ABLIM1: variants seen among roughly 807,000 people sequenced by gnomAD.
ABLIM1 encodes actin-binding LIM protein 1.
Under a neutral mutation model 107.0 loss-of-function variants are expected in ABLIM1, and 40 were observed. That is an observed-to-expected ratio of 0.37 (90% CI 0.29 to 0.49). ABLIM1 has a LOEUF of 0.49. ABLIM1 is among the 20% of genes least tolerant of loss of function. The pLI is 0.97. For missense variants in ABLIM1, 857 were observed against 1,008.5 expected, an observed-to-expected ratio of 0.85 and a Z score of 2.04; for synonymous variants, 357 against 357.3, an observed-to-expected ratio of 1.00 and a Z score of 0.01.
At chr10:114,454,870 T>G (rs1429689576) in intron 12 of ABLIM1, among the ~76,000 whole-genome samples, 2 of 152,216 alleles carry the variant, frequency 1.3e-5, no homozygotes, top group East Asian at 3.8e-4. Flanking sequence ...TTGTCAGAAA[T>G]AATATGAACT....
intron 10 of ABLIM1, among the ~76,000 whole-genome samples, chr10:114,472,321 C>A (rs11196753): frequency 0.19 from 28,834 of 151,768 alleles, 3,287 homozygotes; most frequent in East Asian, 0.52. Context: ...CAACTCCTGG[C>A]CTGAAGCAAT....
rs912116825 is a variant in ABLIM1, at chr10:114,435,457, C to T, written c.*803G>A. The T allele has an allele frequency of 2.0e-5, 3 of 152,164 alleles. No homozygotes were observed. Among genetic ancestry groups the T allele is most frequent in the Non-Finnish European group, 4.4e-5 (3 of 68,034 alleles). The allele number at this position is 152,164 out of a possible 1,614,324, so 9.4% of individuals were successfully genotyped here. A position where few individuals can be genotyped will look rare whatever the true frequency, so the allele number is the denominator to read the frequency against. Reference sequence around the variant, plus strand: ...TGGGGGCAATTTGTGTTTTTCCTTTCTTTGCAAAGGTGGAGCTCCAGACAG... The same window carrying T: ...TGGGGGCAATTTGTGTTTTTCCTTTTTTTGCAAAGGTGGAGCTCCAGACAG... On this transcript the variant is annotated 3_prime_UTR_variant, in exon 23 of 23. Coordinates refer to ENST00000533213, the MANE Select transcript of ABLIM1 (RefSeq NM_002313.7).
chr10:114,646,856 C>T (rs1202490833), intron 1 of ABLIM1, among the ~76,000 whole-genome samples: 1 of 152,122 alleles, frequency 6.6e-6, no homozygotes, highest in African/African-American at 2.4e-5. Context: ...AATTGAACCA[C>T]GATCTATGTG....
chr10:114,468,289 G>T (rs1815248), intron 10 of ABLIM1, 73 bp from the exon 11 acceptor site: 404,637 of 1,461,426 alleles, frequency 0.28, 56,766 homozygotes, highest in East Asian at 0.38. Flanking sequence ...TTGTTTGTTT[G>T]TTTGAGATGG....
rs993710046 is a variant in ABLIM1, at chr10:114,629,337, TC to T, written c.245-27377del. 6.6e-6 allele frequency among the ~76,000 whole-genome samples: 1 copy of T among 152,176 alleles called. No homozygotes were observed. Among genetic ancestry groups the T allele is most frequent in the Non-Finnish European group, 1.5e-5 (1 of 68,034 alleles). On this transcript the variant is annotated intron_variant, in intron 1 of 22. Transcript: ENST00000533213. This position sits in a 1 kb window ranked among gnomAD's most constrained non-coding sequence, Gnocchi z 4.0. ...GATGGACATTGCCAGGACCCGAGCC[TC>T]CTCGAGTTGATTCCTGACAGCTCCA...
At chr10:114,791,692 AAGG>A in the ABLIM1 span, among the ~76,000 whole-genome samples, 1 of 152,068 alleles carries the variant, frequency 6.6e-6, no homozygotes, top group Non-Finnish European at 1.5e-5. Context: ...CTTCAAATAC[AAGG>A]AGTTGTGCAG....
At chr10:114,506,394 G>A (rs1028477914) in intron 6 of ABLIM1, among the ~76,000 whole-genome samples, 12 of 152,124 alleles carry the variant, frequency 7.9e-5, no homozygotes, top group Non-Finnish European at 1.3e-4. Context: ...GGGATTGCTG[G>A]GTCAAATGGT....
intron 1 of ABLIM1, among the ~76,000 whole-genome samples, chr10:114,693,316 G>GA (rs1183817586): frequency 6.6e-6 from 1 of 152,178 alleles, no homozygotes; most frequent in Non-Finnish European, 1.5e-5. Context: ...CACACATGTT[G>GA]AAAAATCCCC....
chr10:114,782,431 G>T, the ABLIM1 span, among the ~76,000 whole-genome samples: 6 of 152,090 alleles, frequency 3.9e-5, no homozygotes, highest in Non-Finnish European at 8.8e-5. Flanking sequence ...GATCATTTCA[G>T]ACTAGGGGTG....
intron 5 of ABLIM1, among the ~76,000 whole-genome samples, chr10:114,546,994 G>T (rs1170045114): frequency 6.6e-6 from 1 of 151,598 alleles, no homozygotes; most frequent in Non-Finnish European, 1.5e-5. Context: ...GTCTTGCTAT[G>T]TTGCTCAGGC....
rs567722376 is a variant in ABLIM1, at chr10:114,741,251, A to C, written c.-213+26810T>G. Among the ~76,000 whole-genome samples the C allele has an allele frequency of 6.4e-3, 465 of 72,170 alleles. 3 individuals are homozygous for C. Among genetic ancestry groups the C allele is most frequent in the Middle Eastern group, 0.032 (2 of 62 alleles). The allele number at this position is 72,170 out of a possible 152,430, so 47.3% of individuals were successfully genotyped here. A position where few individuals can be genotyped will look rare whatever the true frequency, so the allele number is the denominator to read the frequency against. On this transcript the variant is annotated intron_variant, in intron 1 of 15. Transcript: ENST00000651092. ...TTTTTTTTTTTTTTTTTTGAGATGG[A>C]GTTTCGCTTTGTCGCCCAGGCTGGA...
intron 1 of ABLIM1, among the ~76,000 whole-genome samples, chr10:114,643,337 T>C (rs1390183676): frequency 6.6e-6 from 1 of 152,186 alleles, no homozygotes. Flanking sequence ...AGGTAATGAC[T>C]GGCACCAGAC....
chr10:114,455,812 CT>C (rs11285756), intron 12 of ABLIM1, among the ~76,000 whole-genome samples: 21,772 of 139,382 alleles, frequency 0.16, 1,289 homozygotes, highest in East Asian at 0.19. Context: ...GAAACTGCAA[CT>C]TTTTTTTTTT....
chr10:114,678,152 CTT>C (rs11339917), intron 1 of ABLIM1, among the ~76,000 whole-genome samples: 4 of 151,176 alleles, frequency 2.6e-5, no homozygotes, highest in South Asian at 2.1e-4. Context: ...ATTTCTAATC[CTT>C]TTTTTTTTCC....
Position 114,683,064 on chromosome 10 carries a change from G to C in ABLIM1, c.64+1226C>G, listed in dbSNP as rs78956319. On this transcript the variant is annotated intron_variant, in intron 1 of 23. Transcript: ENST00000369256. ...TAGTTTTCCACTCTAAATGTATCAG[G>C]AATACACGAATGCATTCTAATTAAT... 5.6e-4 allele frequency among the ~76,000 whole-genome samples: 86 copies of C among 152,264 alleles called. 1 individual carries two copies. Among genetic ancestry groups the C allele is most frequent in the Admixed American group, 2.2e-3 (34 of 15,294 alleles).
At chr10:114,797,303 C>T in the ABLIM1 span, among the ~76,000 whole-genome samples, 1 of 152,124 alleles carries the variant, frequency 6.6e-6, no homozygotes, top group Non-Finnish European at 1.5e-5. Flanking sequence ...TTCTTCATAC[C>T]TGAATGGAAA....
the ABLIM1 span, among the ~76,000 whole-genome samples, chr10:114,798,516 G>A: frequency 6.7e-6 from 1 of 149,726 alleles, no homozygotes; most frequent in Non-Finnish European, 1.5e-5. Flanking sequence ...AGGATTGCTT[G>A]AGCCCAGGAG....
At chr10:114,506,482 G>A (rs1380393488) in intron 6 of ABLIM1, among the ~76,000 whole-genome samples, 2 of 152,202 alleles carry the variant, frequency 1.3e-5, no homozygotes, top group Non-Finnish European at 2.9e-5. Context: ...CCCACCAGCA[G>A]TGTATAAGCG....
intron 1 of ABLIM1, among the ~76,000 whole-genome samples, chr10:114,752,904 C>T (rs1232331927): frequency 1.3e-5 from 2 of 152,092 alleles, no homozygotes; most frequent in South Asian, 2.1e-4. Context: ...TGAATATATG[C>T]GTGCAACAGA....
Sources: allele counts gnomAD v4.1 joint callset (sites outside exome capture counted in the v4.1 genomes callset), GRCh38; gene constraint gnomAD v4.1.1; non-coding constraint Gnocchi (gnomAD v3.1); transcripts MANE v1.5; gene names NCBI Gene and HGNC (gene_info 2026-07-23, HGNC 2026-07-21).